LRIG2: variants seen among roughly 807,000 people sequenced by gnomAD.
The protein encoded by LRIG2 is leucine rich repeats and immunoglobulin like domains 2.
LRIG2 carries 93 observed loss-of-function variants against 107.8 expected under a neutral mutation model. The ratio of observed to expected loss-of-function variants is 0.86; its 90% CI spans 0.73 to 1.03. The LOEUF is 1.03. LRIG2 is among the 50% of genes least tolerant of loss of function. The pLI is 0.00. For missense variants in LRIG2, 1,226 were observed against 1,296.0 expected, an observed-to-expected ratio of 0.95 and a Z score of 0.83; for synonymous variants, 471 against 470.6, an observed-to-expected ratio of 1.00 and a Z score of -0.01.
chr1:113,099,215 A>G (rs1213773690), intron 9 of LRIG2, among the ~76,000 whole-genome samples: 2 of 144,602 alleles, frequency 1.4e-5, no homozygotes, highest in African/African-American at 2.6e-5. Context: ...GATTATAGGT[A>G]TGAGCCACTG....
chr1:113,092,578 A>G (rs983787839), intron 2 of LRIG2, among the ~76,000 whole-genome samples: 1 of 152,048 alleles, frequency 6.6e-6, no homozygotes, highest in Non-Finnish European at 1.5e-5. Context: ...TAAGGACTCA[A>G]ATTAGCTGCC....
intron 17 of LRIG2, among the ~76,000 whole-genome samples, chr1:113,121,191 GT>G (rs531576313): frequency 9.0e-4 from 137 of 152,186 alleles, no homozygotes; most frequent in African/African-American, 3.2e-3. Flanking sequence ...CTTGGCGGGT[GT>G]TTTTTTCTAT....
At chr1:113,108,153 T>G (rs1654615435) in intron 12 of LRIG2, among the ~76,000 whole-genome samples, 1 of 152,104 alleles carries the variant, frequency 6.6e-6, no homozygotes, top group Non-Finnish European at 1.5e-5. Flanking sequence ...CAGAGTTTTG[T>G]TTTTTCCTTG....
Position 113,101,626 on chromosome 1 carries a change from C to T in LRIG2, c.1313+1138C>T, listed in dbSNP as rs181562045. Among the ~76,000 whole-genome samples the T allele has an allele frequency of 5.7e-3, 871 of 152,256 alleles. 6 individuals carry two copies. Among genetic ancestry groups the T allele is most frequent in the Non-Finnish European group, 9.2e-3 (624 of 68,016 alleles). ...GGATTGGAAATTTAAAAGACTGGTCCTTACCATGGATAATTTGAGATGCAC... is the reference window on the plus strand; with the variant it reads ...GGATTGGAAATTTAAAAGACTGGTCTTTACCATGGATAATTTGAGATGCAC... On this transcript the variant is annotated intron_variant, in intron 11 of 17. Coordinates refer to ENST00000361127, the MANE Select transcript of LRIG2 (RefSeq NM_014813.3).
rs1282738257 is a variant in LRIG2 at position 113,100,295 on chromosome 1, C to T, written c.1244+13C>T. On this transcript the variant is annotated intron_variant, in intron 10 of 17. Coordinates refer to ENST00000361127, the MANE Select transcript of LRIG2 (RefSeq NM_014813.3). ...CCCTTGAGCATCTGTAAGTATTTTG[C>T]ATACATTTTGCTTACTCTATAAATA... 1 of 1,575,724 alleles carries T rather than the reference C, an allele frequency of 6.3e-7. No individual in the cohort carries two copies. The highest frequency in any genetic ancestry group is 2.3e-5 in the East Asian group (1 of 44,220).
rs755253807 is a variant in LRIG2 at position 113,093,434 on chromosome 1, C to T, written c.385C>T (p.His129Tyr). 1.9e-6 allele frequency: 3 copies of T among 1,613,728 alleles called. No individual in the cohort carries two copies. The highest frequency in any genetic ancestry group is 8.5e-7 in the Non-Finnish European group (1 of 1,179,884). The change falls in exon 4 of 18, where the codon CAT (histidine) becomes TAT (tyrosine). Residue 129 changes from histidine (H) to tyrosine (Y), a missense_variant. Physicochemically the swap from His to Tyr is moderately conservative, Grantham distance 83. Transcript: ENST00000361127. Reference sequence around the variant, plus strand: ...ATTATAATCTTTGTTTTACAGAGTCCATAATATAATCCCAGAAATAAATGC... The same window carrying T: ...ATTATAATCTTTGTTTTACAGAGTCTATAATATAATCCCAGAAATAAATGC... Reference protein sequence around the residue: ...TSNITLLSLVHNIIPEINAQA... With the variant: ...TSNITLLSLVYNIIPEINAQA...
chr1:113,093,120 A>G (rs777889214), intron 2 of LRIG2, 86 bp from the exon 3 acceptor site: 17 of 800,606 alleles, frequency 2.1e-5, no homozygotes, highest in Non-Finnish European at 3.3e-5. Context: ...CACCTATTCT[A>G]AAGAATATGT....
At chr1:113,096,393 T>G (rs200647112) in intron 8 of LRIG2, 28 bp downstream of exon 8, 35 of 1,593,866 alleles carry the variant, frequency 2.2e-5, no homozygotes, top group Non-Finnish European at 2.5e-5. Context: ...CCTTTTTGGT[T>G]GTTGTTACTG....
rs746634936 is a variant in LRIG2 at position 113,081,000 on chromosome 1, G to T, written c.239+7355G>T. On this transcript the variant is annotated intron_variant, in intron 1 of 17. Coordinates refer to ENST00000361127, the MANE Select transcript of LRIG2 (RefSeq NM_014813.3). ...CTGGGATTACAGGCATGCACCACAC[G>T]CCTGGCTAATTTTTGTATTTTTACT... Among the ~76,000 whole-genome samples, 4 of 151,554 alleles carry T rather than the reference G, an allele frequency of 2.6e-5. No individual in the cohort carries two copies. The East Asian group carries it at 7.8e-4, about 30-fold the overall frequency.
At chr1:113,078,009 G>A (rs532310618) in intron 1 of LRIG2, among the ~76,000 whole-genome samples, 1 of 151,240 alleles carries the variant, frequency 6.6e-6, no homozygotes, top group Admixed American at 6.6e-5. Context: ...CCTTGCAATA[G>A]TTTGCTGAGA....
At position 113,100,488 on chromosome 1, in the gene LRIG2, TGTAA is replaced by T. The variant is rs1654260298; in HGVS notation, c.1313+5_1313+8del. 6.8e-7 allele frequency: 1 copy of T among 1,475,490 alleles called. No individual in the cohort carries two copies. Among genetic ancestry groups the T allele is most frequent in the Non-Finnish European group, 9.4e-7 (1 of 1,063,050 alleles). 91.4% of individuals were successfully genotyped at this position (1,475,490 alleles called of 1,614,324 possible). ...TTTTCTCAGACTCATTTAAAAGAAC[TGTAA>T]GTAACTTGTCTTTTTAAAATCACCA... On this transcript the variant is annotated splice_donor_variant and splice_donor_region_variant and intron_variant, in intron 11 of 17. Coordinates refer to ENST00000361127, the MANE Select transcript of LRIG2 (RefSeq NM_014813.3). LOFTEE classifies it high-confidence loss of function.
chr1:113,093,997 A>C (rs1426600683), intron 4 of LRIG2, among the ~76,000 whole-genome samples: 5 of 152,106 alleles, frequency 3.3e-5, no homozygotes, highest in Admixed American at 3.3e-4. Context: ...GGTAATTTTG[A>C]GATTCAATTT....
intron 12 of LRIG2, among the ~76,000 whole-genome samples, chr1:113,110,036 A>G (rs989205283): frequency 2.0e-5 from 3 of 152,196 alleles, no homozygotes; most frequent in Non-Finnish European, 2.9e-5. Flanking sequence ...ACTGACTGAC[A>G]TGTCTTTGAG....
intron 17 of LRIG2, 130 bp from the exon 18 acceptor site, chr1:113,123,730 TGTGTGTGTGTGTGTG>T (rs1655365450): frequency 8.6e-6 from 4 of 462,680 alleles, no homozygotes; most frequent in Admixed American, 3.8e-5. Context: ...GTGGTTTTTG[TGTGTGTGTGTGTGTG>T]TGTGTGTGTG....
In LRIG2 at chr1:113,073,533, T is replaced by C. The variant is rs1557891360; in HGVS notation, c.127T>C (p.Cys43Arg). The C allele has an allele frequency of 6.2e-7, 1 of 1,614,042 alleles. No individual in the cohort carries two copies. Among genetic ancestry groups the C allele is most frequent in the South Asian group, 1.1e-5 (1 of 91,084 alleles). ...GTTGCCCGCCGCCGGAGCAGGTCTC[T>C]GCCCCGCGCCCTGCTCCTGCCGCAT... Reference protein sequence around the residue: ...LLLPAAGAGLCPAPCSCRIPL... With the variant: ...LLLPAAGAGLRPAPCSCRIPL... The change falls in exon 1 of 18, where the codon TGC becomes CGC. Residue 43 changes from cysteine to arginine, a missense_variant. Coordinates refer to ENST00000361127, the MANE Select transcript of LRIG2 (RefSeq NM_014813.3).
At chr1:113,108,708 C>G (rs1222875717) in intron 12 of LRIG2, among the ~76,000 whole-genome samples, 1 of 151,678 alleles carries the variant, frequency 6.6e-6, no homozygotes, top group Non-Finnish European at 1.5e-5. Context: ...GAAACCCTGA[C>G]TCTACTAAAA....
intron 11 of LRIG2, among the ~76,000 whole-genome samples, chr1:113,101,382 A>G (rs1375435614): frequency 6.6e-6 from 1 of 152,026 alleles, no homozygotes; most frequent in Non-Finnish European, 1.5e-5. Context: ...TTATTTTTAA[A>G]CTCTATTGAT....
chr1:113,122,841 A>G (rs952493763), intron 17 of LRIG2, among the ~76,000 whole-genome samples: 4 of 152,244 alleles, frequency 2.6e-5, no homozygotes, highest in Admixed American at 2.0e-4. Flanking sequence ...TTGTGTGCAT[A>G]TTAATTAAAA....
In LRIG2 at chr1:113,093,669, T is replaced by C. The variant is rs1235778952; in HGVS notation, c.515+105T>C. The C allele has an allele frequency of 6.4e-6, 4 of 621,252 alleles. No homozygotes were observed. The Admixed American group carries it at 1.1e-4, about 17-fold the overall frequency. 38.5% of individuals were successfully genotyped at this position (621,252 alleles called of 1,614,324 possible). A position where few individuals can be genotyped will look rare whatever the true frequency, so the allele number is the denominator to read the frequency against. On this transcript the variant is annotated intron_variant, in intron 4 of 17. Coordinates refer to ENST00000361127, the MANE Select transcript of LRIG2 (RefSeq NM_014813.3). ...GGATAGCACTGGGAGATATACCTAA[T>C]GCTAGATGACGAGTTAGTGGGTGCA... is the stretch of plus-strand genomic sequence containing the variant.
Sources: allele counts gnomAD v4.1 joint callset (sites outside exome capture counted in the v4.1 genomes callset), GRCh38; gene constraint gnomAD v4.1.1; transcripts MANE v1.5; gene names NCBI Gene and HGNC (gene_info 2026-07-23, HGNC 2026-07-21).